PIP5K1C: variants seen among roughly 807,000 people sequenced by gnomAD.
The protein encoded by PIP5K1C is phosphatidylinositol 4-phosphate 5-kinase type-1 gamma.
Under a neutral mutation model 80.1 loss-of-function variants are expected in PIP5K1C, and 45 were observed. That is an observed-to-expected ratio of 0.56 (90% CI 0.44 to 0.72). The LOEUF is 0.72. Ranked by LOEUF, PIP5K1C falls within the 30% of genes least tolerant of loss-of-function variation. The probability of loss-of-function intolerance (pLI) is 0.00; values close to 1 mark genes in which losing one functional copy is unlikely to be tolerated. For synonymous variants in PIP5K1C, 498 were observed against 420.1 expected, an observed-to-expected ratio of 1.19 and a Z score of -2.27; for missense variants, 753 against 954.6, an observed-to-expected ratio of 0.79 and a Z score of 2.78.
rs1352860379 is a variant in PIP5K1C, at chr19:3,696,845, G to A, written c.94+3452C>T. 6.6e-6 allele frequency among the ~76,000 whole-genome samples: 1 copy of A among 152,198 alleles called. No individual in the cohort carries two copies. The highest frequency in any genetic ancestry group is 1.5e-5 in the Non-Finnish European group (1 of 68,042). ...AGGGAGGTGGGAGCCATGGAGGGCT[G>A]CGAGCAGAGGAGGGTCGGGACTCGG... On this transcript the variant is annotated intron_variant, in intron 1 of 17. Coordinates refer to ENST00000335312, the MANE Select transcript of PIP5K1C (RefSeq NM_012398.3). The surrounding 1 kb of genome is among the most constrained non-coding windows in gnomAD (Gnocchi z 4.1).
intron 1 of PIP5K1C, among the ~76,000 whole-genome samples, chr19:3,684,588 G>C (rs374199474): frequency 1.0e-3 from 156 of 152,352 alleles, no homozygotes; most frequent in African/African-American, 3.6e-3. Flanking sequence ...GCCAGATGCC[G>C]CAGCAGAACC....
At chr19:3,656,216 C>A (rs1043831884) in intron 6 of PIP5K1C, among the ~76,000 whole-genome samples, 189 bp downstream of exon 6, 3 of 152,190 alleles carry the variant, frequency 2.0e-5, no homozygotes, top group Admixed American at 6.5e-5. Flanking sequence ...GAAGAGAGGG[C>A]GGCTCCTGAA....
At chr19:3,650,325 C>A (rs923708725) in intron 8 of PIP5K1C, among the ~76,000 whole-genome samples, 2 of 152,250 alleles carry the variant, frequency 1.3e-5, no homozygotes, top group South Asian at 2.1e-4. Context: ...CCTCCCTCCT[C>A]CAAGGCCGCT....
At chr19:3,655,860 G>A (rs929182412) in intron 6 of PIP5K1C, among the ~76,000 whole-genome samples, 2 of 152,194 alleles carry the variant, frequency 1.3e-5, no homozygotes, top group African/African-American at 2.4e-5. Context: ...TGTGGCAGCC[G>A]CCGGCTCCTA....
chr19:3,649,974 C>T (rs537695012), intron 8 of PIP5K1C: 14 of 219,446 alleles, frequency 6.4e-5, no homozygotes, highest in African/African-American at 2.7e-4. Flanking sequence ...GCTCTGCTCA[C>T]GCCACAGGCT....
intron 2 of PIP5K1C, 22 bp from the exon 3 acceptor site, chr19:3,664,936 C>T (rs778089356): frequency 5.1e-6 from 8 of 1,575,486 alleles, no homozygotes; most frequent in Admixed American, 1.7e-5. Context: ...AAGCAGGAAG[C>T]GTTAACTCCC....
rs1473595429 is a variant in PIP5K1C at position 3,682,355 on chromosome 19, C to A, written c.95-15002G>T. Among the ~76,000 whole-genome samples, 4 of 135,418 alleles carry A rather than the reference C, an allele frequency of 3.0e-5. No individual in the cohort carries two copies. The East Asian group carries it at 8.6e-4, about 29-fold the overall frequency. 88.8% of individuals were successfully genotyped at this position (135,418 alleles called of 152,430 possible). A position where few individuals can be genotyped will look rare whatever the true frequency, so the allele number is the denominator to read the frequency against. ...CACCACTGCATTCCAGCCTGGACAA[C>A]AGAGCAAGACTCCATCTAAAAAAAA... is the stretch of plus-strand genomic sequence containing the variant. On this transcript the variant is annotated intron_variant, in intron 1 of 17. Transcript: ENST00000335312.
chr19:3,637,616 G>C lies in PIP5K1C; in HGVS notation c.1920+1268C>G, dbSNP rs1393991253. 1 of 1,524,700 alleles carries C rather than the reference G, an allele frequency of 6.6e-7. No individual in the cohort carries two copies. Among genetic ancestry groups the C allele is most frequent in the South Asian group, 1.2e-5 (1 of 83,116 alleles). The allele number at this position is 1,524,700 out of a possible 1,614,324, so 94.4% of individuals were successfully genotyped here. A position where few individuals can be genotyped will look rare whatever the true frequency, so the allele number is the denominator to read the frequency against. On this transcript the variant is annotated intron_variant, in intron 16 of 17. Coordinates refer to ENST00000335312, the MANE Select transcript of PIP5K1C (RefSeq NM_012398.3). The surrounding 1 kb of genome is among the most constrained non-coding windows in gnomAD (Gnocchi z 7.0). ...ATCCAGTACCTCCCATCCGTGAACT[G>C]GACGGGGCGGGCCGGGTGGGCCGGA...
At position 3,644,242 on chromosome 19, in the gene PIP5K1C, G is replaced by A. The variant is rs762491201; in HGVS notation, c.1355C>T (p.Ser452Phe). The A allele has an allele frequency of 5.6e-6, 9 of 1,612,292 alleles. No homozygotes were observed. The highest frequency in any genetic ancestry group is 2.2e-5 in the South Asian group (2 of 91,070). ...TVFRKNSSLK[S>F]SPSKKGRGGA... Reference sequence around the variant, plus strand: ...GCCGCGCCCCTTCTTGGAGGGCGAGGACTTCAGGGCTGCAGGGAAGGGTGG... The same window carrying A: ...GCCGCGCCCCTTCTTGGAGGGCGAGAACTTCAGGGCTGCAGGGAAGGGTGG... Residue 452 changes from serine (S) to phenylalanine (F), a missense_variant, in exon 12 of 18, where the codon TCC (serine) becomes TTC (phenylalanine). Coordinates refer to ENST00000335312, the MANE Select transcript of PIP5K1C (RefSeq NM_012398.3).
rs775601176 is a variant in PIP5K1C at position 3,633,489 on chromosome 19, G to A, written c.1952C>T (p.Pro651Leu). The A allele has an allele frequency of 6.0e-6, 9 of 1,512,054 alleles. No individual in the cohort carries two copies. Among genetic ancestry groups the A allele is most frequent in the East Asian group, 2.3e-5 (1 of 43,030 alleles). The allele number at this position is 1,512,054 out of a possible 1,614,324, so 93.7% of individuals were successfully genotyped here. ...GGGGGCCTGGGCGCTATAGTGGAGC[G>A]GGGAGTACACCCAGCTCCTCTCATC... ...PTDERSWVYS[P>L]LHYSAQAPPA... The change falls in exon 17 of 18, where the codon CCG becomes CTG. Residue 651 changes from proline to leucine, a missense_variant. Coordinates refer to ENST00000335312, the MANE Select transcript of PIP5K1C (RefSeq NM_012398.3).
intron 8 of PIP5K1C, among the ~76,000 whole-genome samples, chr19:3,650,524 G>A (rs1402012498): frequency 2.0e-5 from 3 of 152,216 alleles, no homozygotes; most frequent in East Asian, 1.9e-4. Context: ...GTGGAGGCCC[G>A]GGACGCTGCT....
Position 3,637,779 on chromosome 19 carries a change from G to T in PIP5K1C, c.1920+1105C>A. The T allele has an allele frequency of 6.5e-7, 1 of 1,533,220 alleles. No individual in the cohort carries two copies. The highest frequency in any genetic ancestry group is 1.2e-5 in the South Asian group (1 of 83,940). 95.0% of individuals were successfully genotyped at this position (1,533,220 alleles called of 1,614,324 possible). On this transcript the variant is annotated intron_variant, in intron 16 of 17. Coordinates refer to ENST00000335312, the MANE Select transcript of PIP5K1C (RefSeq NM_012398.3). This position sits in a 1 kb window ranked among gnomAD's most constrained non-coding sequence, Gnocchi z 7.0. ...GTGGGGGGTGCCGGGGCAGGGGCAG[G>T]ACCGAGGACCCTTCTCCCTTCTCTG...
At chr19:3,671,491 G>A (rs1425322615) in intron 1 of PIP5K1C, among the ~76,000 whole-genome samples, 2 of 152,258 alleles carry the variant, frequency 1.3e-5, no homozygotes, top group Non-Finnish European at 2.9e-5. Context: ...GGAGAGGAGA[G>A]GGGCAGGCGG....
intron 1 of PIP5K1C, among the ~76,000 whole-genome samples, chr19:3,699,318 T>G (rs2036223118): frequency 7.7e-6 from 1 of 129,416 alleles, no homozygotes; most frequent in African/African-American, 2.9e-5. Context: ...AAGCCACGAG[T>G]GTCTTTCAAG....
intron 1 of PIP5K1C, among the ~76,000 whole-genome samples, chr19:3,677,937 A>G (rs1600063302): frequency 1.1e-5 from 1 of 89,974 alleles, no homozygotes; most frequent in Non-Finnish European, 2.2e-5. Context: ...TGGAGAATGG[A>G]GGGATGGAGG....
chr19:3,644,114 G>A lies in PIP5K1C; in HGVS notation c.1483C>T (p.Arg495Cys), dbSNP rs773882455. 1.2e-5 allele frequency: 19 copies of A among 1,611,334 alleles called. No individual in the cohort carries two copies. Among genetic ancestry groups the A allele is most frequent in the South Asian group, 4.4e-5 (4 of 91,050 alleles). Reference sequence around the variant, plus strand: ...TCGTCCTCCAGCGTGGGGTAGCTGCGGGCCCCCCGCAGGTCGTACTGGGCC... The same window carrying A: ...TCGTCCTCCAGCGTGGGGTAGCTGCAGGCCCCCCGCAGGTCGTACTGGGCC... ...EEAQYDLRGA[R>C]SYPTLEDEGR... The change falls in exon 12 of 18, where the codon CGC (arginine) becomes TGC (cysteine). Residue 495 changes from arginine (R) to cysteine (C), a missense_variant. Transcript: ENST00000335312.
At position 3,648,511 on chromosome 19, in the gene PIP5K1C, C is replaced by T. The variant is rs549908840; in HGVS notation, c.1211+114G>A. ...GTGGGACTGCAGACCCAGGCGCCCA[C>T]CTGTGGGGCTGCAGACCCGGGCGCC... On this transcript the variant is annotated intron_variant, in intron 9 of 17. Transcript: ENST00000335312. The surrounding 1 kb of genome is among the most constrained non-coding windows in gnomAD (Gnocchi z 4.3). 81 of 414,670 alleles carry T rather than the reference C, an allele frequency of 2.0e-4. No homozygotes were observed. The highest frequency in any genetic ancestry group is 1.7e-3 in the African/African-American group (71 of 42,080). The allele number at this position is 414,670 out of a possible 1,614,324, so 25.7% of individuals were successfully genotyped here.
intron 17 of PIP5K1C, 32 bp from the exon 18 acceptor site, chr19:3,633,201 C>T (rs374666303): frequency 7.2e-5 from 54 of 750,168 alleles, no homozygotes; most frequent in Middle Eastern, 2.3e-4. Flanking sequence ...TGAAGGTGGG[C>T]GGGGCGAGGG....
intron 1 of PIP5K1C, among the ~76,000 whole-genome samples, chr19:3,678,301 G>A (rs201048392): frequency 2.2e-5 from 3 of 138,744 alleles, no homozygotes; most frequent in Admixed American, 7.1e-5. Flanking sequence ...TGGAGGGATG[G>A]AGGGACGGAG....
Sources: allele counts gnomAD v4.1 joint callset (sites outside exome capture counted in the v4.1 genomes callset), GRCh38; gene constraint gnomAD v4.1.1; non-coding constraint Gnocchi (gnomAD v3.1); transcripts MANE v1.5; gene names NCBI Gene and HGNC (gene_info 2026-07-23, HGNC 2026-07-21).